EIF2B3: variants seen among roughly 807,000 people sequenced by gnomAD.
The protein encoded by EIF2B3 is eukaryotic translation initiation factor 2B subunit gamma, also known as translation initiation factor eIF2B subunit gamma.
A neutral mutation model predicts 54.1 loss-of-function variants in EIF2B3; 20 were observed. That is an observed-to-expected ratio of 0.37 (90% CI 0.26 to 0.54). The LOEUF (loss-of-function observed/expected upper bound fraction) is 0.54. EIF2B3 is among the 20% of genes least tolerant of loss of function. The probability of loss-of-function intolerance (pLI) is 0.86; values close to 1 mark genes in which losing one functional copy is unlikely to be tolerated. For synonymous variants in EIF2B3, 153 were observed against 188.1 expected, an observed-to-expected ratio of 0.81 and a Z score of 1.52; for missense variants, 448 against 547.8, an observed-to-expected ratio of 0.82 and a Z score of 1.82.
chr1:44,959,061 T>C (rs528094685), intron 3 of EIF2B3: 16 of 757,436 alleles, frequency 2.1e-5, no homozygotes, highest in African/African-American at 1.0e-4. Context: ...AACGCCATCT[T>C]CAGCATCAAA....
At position 44,875,614 on chromosome 1, in the gene EIF2B3, T is replaced by C. The variant is rs1373475630; in HGVS notation, c.1053+4A>G. ...ATGCCCGTCCTGGCCACACTAGCAC[T>C]TACCAGGTGTTTGCTGACAATCTGG... On this transcript the variant is annotated splice_donor_region_variant and intron_variant, in intron 9 of 11. Transcript: ENST00000360403. 1 of 1,613,902 alleles carries C rather than the reference T, an allele frequency of 6.2e-7. No individual in the cohort carries two copies. The highest frequency in any genetic ancestry group is 1.3e-5 in the African/African-American group (1 of 74,926).
chr1:44,870,176 AAGAG>A (rs57863923), intron 10 of EIF2B3, among the ~76,000 whole-genome samples: 27,319 of 145,740 alleles, frequency 0.19, 2,683 homozygotes, highest in East Asian at 0.29. Flanking sequence ...CGTCTCAAAA[AAGAG>A]AGAGAGAGAG....
intron 5 of EIF2B3, among the ~76,000 whole-genome samples, chr1:44,909,576 A>C (rs901002144): frequency 6.6e-6 from 1 of 152,170 alleles, no homozygotes; most frequent in African/African-American, 2.4e-5. Context: ...TTTTCTCTGA[A>C]GTCTATATGG....
chr1:44,945,190 C>T (rs1439702835), intron 3 of EIF2B3, among the ~76,000 whole-genome samples: 1 of 151,692 alleles, frequency 6.6e-6, no homozygotes, highest in African/African-American at 2.4e-5. Context: ...AGCTCAAATT[C>T]GGATTGTTTC....
At chr1:44,983,071 C>T (rs1469577871) in intron 1 of EIF2B3, among the ~76,000 whole-genome samples, 1 of 151,692 alleles carries the variant, frequency 6.6e-6, no homozygotes, top group Non-Finnish European at 1.5e-5. Context: ...CACCTGGCCG[C>T]CTGGCTAATT....
intron 3 of EIF2B3, among the ~76,000 whole-genome samples, chr1:44,975,451 A>G (rs1644443697): frequency 6.6e-6 from 1 of 152,188 alleles, no homozygotes; most frequent in African/African-American, 2.4e-5. Flanking sequence ...GGTATAGCCT[A>G]TTGTTCCTAG....
chr1:44,958,435 C>T (rs569808802), intron 3 of EIF2B3: 40 of 570,708 alleles, frequency 7.0e-5, no homozygotes, highest in African/African-American at 3.7e-5. Flanking sequence ...GAAACCAGAT[C>T]GGAGTCTCAC....
chr1:44,907,990 G>C (rs1159151462), intron 5 of EIF2B3, among the ~76,000 whole-genome samples: 4 of 151,750 alleles, frequency 2.6e-5, no homozygotes, highest in African/African-American at 9.7e-5. Context: ...CCCATCATGA[G>C]GTAGAGTCTA....
intron 10 of EIF2B3, among the ~76,000 whole-genome samples, chr1:44,868,566 A>C (rs1169920428): frequency 4.6e-5 from 7 of 150,896 alleles, no homozygotes; most frequent in Non-Finnish European, 1.0e-4. Context: ...GAGCTCAGGC[A>C]ATCTGCCCAC....
chr1:44,899,081 A>G (rs1378156840), intron 5 of EIF2B3, among the ~76,000 whole-genome samples: 1 of 152,198 alleles, frequency 6.6e-6, no homozygotes, highest in Admixed American at 6.5e-5. Context: ...TTGCCCTCTA[A>G]AAGTGCTGGG....
intron 1 of EIF2B3, among the ~76,000 whole-genome samples, chr1:44,982,923 C>A (rs1644530000): frequency 1.3e-5 from 2 of 152,036 alleles, no homozygotes; most frequent in African/African-American, 4.8e-5. Flanking sequence ...CCACCACGCC[C>A]AGCTGCCCAG....
intron 1 of EIF2B3, among the ~76,000 whole-genome samples, chr1:44,985,608 A>AT (rs1255948238): frequency 6.6e-6 from 1 of 152,216 alleles, no homozygotes; most frequent in Admixed American, 6.5e-5. Flanking sequence ...AAACATGTGC[A>AT]TAAGGGCATT....
intron 11 of EIF2B3, among the ~76,000 whole-genome samples, chr1:44,852,794 A>C (rs1193398405): frequency 2.0e-5 from 3 of 151,900 alleles, no homozygotes; most frequent in Non-Finnish European, 4.4e-5. Context: ...AAAAAAAAAA[A>C]AACAAACCAA....
At chr1:44,864,863 C>T (rs1023599209) in intron 10 of EIF2B3, among the ~76,000 whole-genome samples, 10 of 152,168 alleles carry the variant, frequency 6.6e-5, no homozygotes, top group African/African-American at 2.4e-4. Flanking sequence ...ACAAATGTTT[C>T]CCTTCTAAAT....
intron 3 of EIF2B3, among the ~76,000 whole-genome samples, chr1:44,952,901 A>G (rs1392954871): frequency 6.6e-6 from 1 of 152,186 alleles, no homozygotes; most frequent in Non-Finnish European, 1.5e-5. Context: ...ACCAGATCAC[A>G]GTCCCTCTCA....
At chr1:44,932,596 T>G (rs1643906569) in intron 4 of EIF2B3, among the ~76,000 whole-genome samples, 2 of 152,162 alleles carry the variant, frequency 1.3e-5, no homozygotes, top group African/African-American at 2.4e-5. Context: ...TTAAGTGTTC[T>G]CACTTGAAGA....
chr1:44,856,159 T>C (rs1016213432), intron 11 of EIF2B3, among the ~76,000 whole-genome samples: 1 of 152,188 alleles, frequency 6.6e-6, no homozygotes, highest in African/African-American at 2.4e-5. Flanking sequence ...ATACCTGTCA[T>C]TTAATTATAT....
intron 10 of EIF2B3, among the ~76,000 whole-genome samples, chr1:44,864,527 ACTC>A (rs929242930): frequency 6.6e-6 from 1 of 152,122 alleles, no homozygotes; most frequent in African/African-American, 2.4e-5. Flanking sequence ...ATGCCACTGC[ACTC>A]CAGCCTGGGT....
intron 3 of EIF2B3, among the ~76,000 whole-genome samples, chr1:44,974,736 G>A (rs1040598050): frequency 2.0e-5 from 3 of 151,974 alleles, no homozygotes; most frequent in Non-Finnish European, 4.4e-5. Context: ...TTTATTTGCA[G>A]GCAATATGAT....
Sources: gnomAD v4.1 joint callset for allele counts (sites outside exome capture counted in the v4.1 genomes callset) on GRCh38, gnomAD v4.1.1 for gene constraint, MANE v1.5 for transcripts, NCBI Gene and HGNC (gene_info 2026-07-23, HGNC 2026-07-21) for gene names.